Variants in SLC24A3 observed in about 807,000 individuals in gnomAD.
SLC24A3 encodes solute carrier family 24 member 3, also known as sodium/potassium/calcium exchanger 3.
In SLC24A3, 28 loss-of-function variants were observed where a neutral mutation model predicts 75.8. The ratio of observed to expected loss-of-function variants is 0.37; its 90% confidence interval spans 0.27 to 0.51. The LOEUF (loss-of-function observed/expected upper bound fraction) is 0.51. Among genes scored for constraint, SLC24A3 ranks in the 20% least tolerant of loss-of-function variants. The pLI, the probability that SLC24A3 is intolerant of heterozygous loss-of-function variation, is 0.94. For synonymous variants in SLC24A3, 372 were observed against 334.1 expected (o/e 1.11, Z -1.24); for missense variants, 663 against 847.8 (o/e 0.78, Z 2.71).
In SLC24A3 at chr20:19,721,579, G is replaced by T; in HGVS notation, c.*439G>T. ...GCCCGTTGATTACAGAGAGCATTTG[G>T]GATTTTGTTTGGTTTGGAGATGATG... On this transcript the variant is annotated 3_prime_UTR_variant, in exon 17 of 17. Coordinates refer to ENST00000328041, the MANE Select transcript of SLC24A3 (RefSeq NM_020689.4). 6.3e-6 allele frequency: 1 copy of T among 159,230 alleles called. No individual in the cohort carries two copies. The highest frequency in any genetic ancestry group is 1.4e-5 in the Non-Finnish European group (1 of 72,704). The allele number at this position is 159,230 out of a possible 1,614,324, so 9.9% of individuals were successfully genotyped here.
chr20:19,546,604 C>T lies in SLC24A3; in HGVS notation c.348+31040C>T, dbSNP rs192073563. 6.7e-4 allele frequency among the ~76,000 whole-genome samples: 102 copies of T among 152,290 alleles called. 1 individual carries two copies. The East Asian group carries it at 0.011, about 17-fold the overall frequency. On this transcript the variant is annotated intron_variant, in intron 3 of 16. Transcript: ENST00000328041. ...TGGACAGCATAGCTTGAAAATGCTG[C>T]CTCCTTTTTTTGAGGGGAAAGGGGG...
At chr20:19,645,321 T>C (rs2032124160) in intron 6 of SLC24A3, among the ~76,000 whole-genome samples, 1 of 152,184 alleles carries the variant, frequency 6.6e-6, no homozygotes, top group Admixed American at 6.5e-5. Flanking sequence ...TCATGTCAAA[T>C]GTTGAAGAGA....
intron 6 of SLC24A3, among the ~76,000 whole-genome samples, chr20:19,648,774 C>T (rs1290771954): frequency 2.0e-5 from 3 of 152,124 alleles, no homozygotes; most frequent in Non-Finnish European, 4.4e-5. Context: ...CATTATGCCA[C>T]TCTGAAACTA....
chr20:19,474,853 T>C (rs1204270446), intron 2 of SLC24A3, among the ~76,000 whole-genome samples: 1 of 152,188 alleles, frequency 6.6e-6, no homozygotes, highest in Non-Finnish European at 1.5e-5. Context: ...TTAAACCCTT[T>C]GACCAACATT....
chr20:19,468,476 G>C (rs767241690), intron 2 of SLC24A3, among the ~76,000 whole-genome samples: 1 of 152,082 alleles, frequency 6.6e-6, no homozygotes, highest in African/African-American at 2.4e-5. Context: ...ATAGAGACCA[G>C]GAGGCTGGGA....
chr20:19,483,908 TG>T (rs1157536369), intron 2 of SLC24A3, among the ~76,000 whole-genome samples: 1 of 152,188 alleles, frequency 6.6e-6, no homozygotes, highest in Non-Finnish European at 1.5e-5. Context: ...GAGGTCTGGC[TG>T]GTGTTTAACG....
chr20:19,536,814 G>A (rs1018371472), intron 3 of SLC24A3, among the ~76,000 whole-genome samples: 107 of 152,314 alleles, frequency 7.0e-4, no homozygotes, highest in African/African-American at 2.5e-3. Context: ...GGGAAAACTG[G>A]CTAGCCATAT....
chr20:19,598,530 G>C (rs1568668179), intron 6 of SLC24A3, among the ~76,000 whole-genome samples: 1 of 152,116 alleles, frequency 6.6e-6, no homozygotes, highest in Non-Finnish European at 1.5e-5. Context: ...GCATATACCT[G>C]AGTGCCATTG....
intron 2 of SLC24A3, among the ~76,000 whole-genome samples, chr20:19,384,712 G>T (rs1461067609): frequency 6.6e-6 from 1 of 152,176 alleles, no homozygotes; most frequent in Non-Finnish European, 1.5e-5. Flanking sequence ...TGGGATGTGA[G>T]AATCATAAAG....
chr20:19,237,773 T>G (rs1218398830), intron 1 of SLC24A3, among the ~76,000 whole-genome samples: 1 of 152,148 alleles, frequency 6.6e-6, no homozygotes, highest in Non-Finnish European at 1.5e-5. Flanking sequence ...CATGAGGGGC[T>G]CTTGGTTTGG....
intron 2 of SLC24A3, among the ~76,000 whole-genome samples, chr20:19,360,857 C>T (rs1180670731): frequency 4.6e-5 from 7 of 151,064 alleles, no homozygotes; most frequent in African/African-American, 9.7e-5. Flanking sequence ...GACGGAGTCT[C>T]GCTCTGTCGG....
At chr20:19,330,265 C>T (rs1179757809) in intron 2 of SLC24A3, among the ~76,000 whole-genome samples, 1 of 152,180 alleles carries the variant, frequency 6.6e-6, no homozygotes, top group African/African-American at 2.4e-5. Context: ...CTCCTCAGGG[C>T]TGGTTTCTCT....
intron 2 of SLC24A3, among the ~76,000 whole-genome samples, chr20:19,346,347 A>G (rs369089787): frequency 2.0e-4 from 21 of 104,926 alleles, no homozygotes; most frequent in East Asian, 4.9e-4. Flanking sequence ...TATATATGGT[A>G]TATATATGGT....
At position 19,497,013 on chromosome 20, in the gene SLC24A3, A is replaced by G. The variant is rs576474132; in HGVS notation, c.272-18475A>G. 3.4e-4 allele frequency among the ~76,000 whole-genome samples: 52 copies of G among 152,264 alleles called. 1 individual carries two copies. In the South Asian group the frequency reaches 0.011, roughly 32 times the overall value. On this transcript the variant is annotated intron_variant, in intron 2 of 16. Coordinates refer to ENST00000328041, the MANE Select transcript of SLC24A3 (RefSeq NM_020689.4). ...CTGCCTTCTCCTTGTGAGTTCCAAC[A>G]CACTAAGTAGACATTAGGGTACCAG...
At chr20:19,350,414 T>G (rs1047237908) in intron 2 of SLC24A3, among the ~76,000 whole-genome samples, 18 of 152,222 alleles carry the variant, frequency 1.2e-4, no homozygotes, top group Non-Finnish European at 1.8e-4. Flanking sequence ...ATGATGACTT[T>G]TTGTGCTATT....
At chr20:19,675,646 A>G (rs1332812630) in intron 9 of SLC24A3, among the ~76,000 whole-genome samples, 2 of 152,222 alleles carry the variant, frequency 1.3e-5, no homozygotes, top group African/African-American at 4.8e-5. Flanking sequence ...GACCTTAGTC[A>G]TACATATCCT....
intron 2 of SLC24A3, among the ~76,000 whole-genome samples, chr20:19,426,676 T>C (rs1222859643): frequency 6.6e-6 from 1 of 152,200 alleles, no homozygotes; most frequent in Non-Finnish European, 1.5e-5. Flanking sequence ...ATGTGTGTCA[T>C]TTTGTGAGAT....
chr20:19,500,313 A>G (rs1193972681), intron 2 of SLC24A3, among the ~76,000 whole-genome samples: 1 of 152,200 alleles, frequency 6.6e-6, no homozygotes, highest in Non-Finnish European at 1.5e-5. Flanking sequence ...GGAAGCTATT[A>G]GGCAGGGTCT....
chr20:19,515,897 G>C lies in SLC24A3; in HGVS notation c.348+333G>C, dbSNP rs1235552745. On this transcript the variant is annotated intron_variant, in intron 3 of 16. Transcript: ENST00000328041. ...GAGCCCTTTCCTAACTGGCCTTTCT[G>C]AAATGCCGCCATATTTCCTCTTACC... Among the ~76,000 whole-genome samples, 7 of 152,170 alleles carry C rather than the reference G, an allele frequency of 4.6e-5. No individual in the cohort carries two copies. The East Asian group carries it at 1.3e-3, about 29-fold the overall frequency.
Sources: gnomAD v4.1 joint callset for allele counts (sites outside exome capture counted in the v4.1 genomes callset) on GRCh38, gnomAD v4.1.1 for gene constraint, MANE v1.5 for transcripts, NCBI Gene and HGNC (gene_info 2026-07-23, HGNC 2026-07-21) for gene names.